The following C2CD2L variants were observed in gnomAD, a reference collection of about 807,000 sequenced individuals.
The protein encoded by C2CD2L is C2CD2 like, also known as phospholipid transfer protein C2CD2L.
In C2CD2L, 24 loss-of-function variants were observed where a neutral mutation model predicts 69.9. The observed-to-expected ratio is 0.34, with a 90% CI of 0.25 to 0.48. The LOEUF is 0.48. Ranked by LOEUF, C2CD2L falls within the 20% of genes least tolerant of loss-of-function variation. C2CD2L has a pLI of 0.99. For missense variants in C2CD2L, 811 were observed against 941.5 expected, an observed-to-expected ratio of 0.86 and a Z score of 1.81; for synonymous variants, 367 against 391.0, an observed-to-expected ratio of 0.94 and a Z score of 0.72.
rs1946771610 is a variant in C2CD2L, at chr11:119,112,479, C to T, written c.1085-3C>T. ...CAGCTCACAGTGCCATCCCTTTCCCCAGCCGAACTCCTAGGCCAGGCCACA... is the reference window on the plus strand; with the variant it reads ...CAGCTCACAGTGCCATCCCTTTCCCTAGCCGAACTCCTAGGCCAGGCCACA... On this transcript the variant is annotated splice_region_variant and splice_polypyrimidine_tract_variant and intron_variant, in intron 8 of 13. Transcript: ENST00000648610. The T allele has an allele frequency of 1.2e-6, 2 of 1,613,790 alleles. No individual in the cohort carries two copies. Among genetic ancestry groups the T allele is most frequent in the Non-Finnish European group, 1.7e-6 (2 of 1,179,916 alleles).
At position 119,110,607 on chromosome 11, in the gene C2CD2L, CTG is replaced by C; in HGVS notation, c.500_501del (p.Val167AspfsTer34). On this transcript the variant is annotated frameshift_variant, in exon 3 of 14. Coordinates refer to ENST00000648610, the MANE Select transcript of C2CD2L (RefSeq NM_001290474.2). LOFTEE classifies it high-confidence loss of function. The surrounding 1 kb of genome is among the most constrained non-coding windows in gnomAD (Gnocchi z 5.7). ...GCTGAGGAGGTGCGGTTCCCAGTCT[CTG>C]TGACCCAGCAGTCCCCCGCTGCCGT... 1 of 1,612,012 alleles carries C rather than the reference CTG, an allele frequency of 6.2e-7. No individual in the cohort carries two copies. The highest frequency in any genetic ancestry group is 8.5e-7 in the Non-Finnish European group (1 of 1,179,658).
In C2CD2L at chr11:119,114,685, C is replaced by T; in HGVS notation, c.1909+320C>T. ...TTCCTAGGCAGGGTGTGGTGGCTCA[C>T]ACCGGCACTTTGGGAGGCCAAGGCG... On this transcript the variant is annotated intron_variant, in intron 13 of 13. Coordinates refer to ENST00000648610, the MANE Select transcript of C2CD2L (RefSeq NM_001290474.2). The surrounding 1 kb of genome is among the most constrained non-coding windows in gnomAD (Gnocchi z 5.1). 2.8e-6 allele frequency: 1 copy of T among 353,404 alleles called. No homozygotes were observed. The highest frequency in any genetic ancestry group is 5.3e-6 in the Non-Finnish European group (1 of 187,448). 21.9% of individuals were successfully genotyped at this position (353,404 alleles called of 1,614,324 possible). A position where few individuals can be genotyped will look rare whatever the true frequency, so the allele number is the denominator to read the frequency against.
At chr11:119,103,664 CCCAG>C (rs1459518959), upstream of C2CD2L, among the ~76,000 whole-genome samples, 1 of 140,622 alleles carries the variant, frequency 7.1e-6, no homozygotes, top group Non-Finnish European at 1.5e-5. Context: ...GCCACTGCAT[CCCAG>C]CCTGGGCAAC....
intron 7 of C2CD2L, 183 bp from the exon 8 acceptor site, chr11:119,112,145 C>T (rs894904577): frequency 8.4e-6 from 5 of 597,118 alleles, no homozygotes; most frequent in Admixed American, 3.2e-5. Flanking sequence ...GCATGGTTTC[C>T]ACTCAGGCCC....
chr11:119,104,451 T>C (rs1467030899), upstream of C2CD2L, among the ~76,000 whole-genome samples: 1 of 152,208 alleles, frequency 6.6e-6, no homozygotes, highest in Non-Finnish European at 1.5e-5. Context: ...CATCCACATA[T>C]ACATGTTACT....
In C2CD2L at chr11:119,107,547, A is replaced by G; in HGVS notation, c.-195A>G. ...GGACCACGGAGACAGAGACCCCGGCATCGCGACCCCCGAGGACCTCCTCTC... is the reference window on the plus strand; with the variant it reads ...GGACCACGGAGACAGAGACCCCGGCGTCGCGACCCCCGAGGACCTCCTCTC... On this transcript the variant is annotated 5_prime_UTR_variant, in exon 1 of 14. Transcript: ENST00000648610. This position sits in a 1 kb window ranked among gnomAD's most constrained non-coding sequence, Gnocchi z 5.4. 2.4e-6 allele frequency: 1 copy of G among 411,276 alleles called. No homozygotes were observed. Among genetic ancestry groups the G allele is most frequent in the Admixed American group, 4.5e-5 (1 of 22,054 alleles). The allele number at this position is 411,276 out of a possible 1,614,324, so 25.5% of individuals were successfully genotyped here. A position where few individuals can be genotyped will look rare whatever the true frequency, so the allele number is the denominator to read the frequency against.
upstream of C2CD2L, chr11:119,106,567 G>T (rs1946593929): frequency 6.6e-6 from 1 of 152,230 alleles, no homozygotes; most frequent in African/African-American, 2.4e-5. Context: ...TTGGGAGCTT[G>T]TTGGGATATC....
In C2CD2L at chr11:119,112,650, G is replaced by A. The variant is rs751306158; in HGVS notation, c.1212+41G>A. ...CTGGGGTAGGTGGGAGGACACAGGGGATGGGCAGTCTCCGAGGCTCTGTCT... is the reference window on the plus strand; with the variant it reads ...CTGGGGTAGGTGGGAGGACACAGGGAATGGGCAGTCTCCGAGGCTCTGTCT... On this transcript the variant is annotated intron_variant, in intron 9 of 13. Coordinates refer to ENST00000648610, the MANE Select transcript of C2CD2L (RefSeq NM_001290474.2). 3.1e-6 allele frequency: 5 copies of A among 1,608,748 alleles called. No individual in the cohort carries two copies. The Admixed American group carries it at 8.4e-5, about 27-fold the overall frequency.
chr11:119,111,063 A>G lies in C2CD2L; in HGVS notation c.693A>G (p.Glu231=). ...PKLQARERGE[E]QVELSTIEEL... ...TCTTCTCTCTGCAGAGAGGTGAAGA[A>G]CAAGTGGAGCTCTCCACAATTGAGG... Residue 231 remains glutamate, a synonymous_variant, in exon 5 of 14, where the codon GAA becomes GAG. Coordinates refer to ENST00000648610, the MANE Select transcript of C2CD2L (RefSeq NM_001290474.2). 1 of 1,614,032 alleles carries G rather than the reference A, an allele frequency of 6.2e-7. No homozygotes were observed.
chr11:119,113,156 G>C, intron 10 of C2CD2L: 1 of 508,196 alleles, frequency 2.0e-6, no homozygotes, highest in East Asian at 3.4e-5. Context: ...CTTCCCCTCT[G>C]GCTTTTCACA....
upstream of C2CD2L, among the ~76,000 whole-genome samples, chr11:119,105,035 C>T (rs1001062263): frequency 2.6e-5 from 4 of 152,182 alleles, no homozygotes; most frequent in Admixed American, 2.0e-4. Flanking sequence ...CATAGAAATT[C>T]TCAAAGCATA....
rs756238400 is a variant in C2CD2L at position 119,110,223 on chromosome 11, C to T, written c.450+24C>T. The T allele has an allele frequency of 8.7e-5, 134 of 1,547,920 alleles. No individual in the cohort carries two copies. The highest frequency in any genetic ancestry group is 1.2e-4 in the Non-Finnish European group (130 of 1,119,982). On this transcript the variant is annotated intron_variant, in intron 2 of 13. Coordinates refer to ENST00000648610, the MANE Select transcript of C2CD2L (RefSeq NM_001290474.2). The surrounding 1 kb of genome is among the most constrained non-coding windows in gnomAD (Gnocchi z 5.7). ...TGGTAAGGGTCTGATGGGCACTGCC[C>T]TCTTTGGGGTCCAAGAAGGACTGAC...
upstream of C2CD2L, among the ~76,000 whole-genome samples, chr11:119,102,610 C>T (rs1395656420): frequency 6.6e-6 from 1 of 151,940 alleles, no homozygotes; most frequent in East Asian, 1.9e-4. Context: ...GGATTTAACT[C>T]GAGACTTCAG....
In C2CD2L at chr11:119,107,594, G is replaced by T; in HGVS notation, c.-148G>T. Reference sequence around the variant, plus strand: ...TCTCCTCGCCCTGTGGCACCCACTAGTCCTGGGCACTCAGCCGCGGAGAGC... The same window carrying T: ...TCTCCTCGCCCTGTGGCACCCACTATTCCTGGGCACTCAGCCGCGGAGAGC... On this transcript the variant is annotated 5_prime_UTR_variant, in exon 1 of 14. Coordinates refer to ENST00000648610, the MANE Select transcript of C2CD2L (RefSeq NM_001290474.2). The surrounding 1 kb of genome is among the most constrained non-coding windows in gnomAD (Gnocchi z 5.4). 1 of 459,928 alleles carries T rather than the reference G, an allele frequency of 2.2e-6. No individual in the cohort carries two copies. Among genetic ancestry groups the T allele is most frequent in the Non-Finnish European group, 3.7e-6 (1 of 268,142 alleles). The allele number at this position is 459,928 out of a possible 1,614,324, so 28.5% of individuals were successfully genotyped here.
Position 119,116,216 on chromosome 11 carries a change from C to G in C2CD2L, c.2081C>G (p.Ser694Cys). The change falls in exon 14 of 14, where the codon TCC (serine) becomes TGC (cysteine). Residue 694 changes from serine to cysteine, a missense_variant. By Grantham distance (112) the Ser-to-Cys change is moderately radical. Coordinates refer to ENST00000648610, the MANE Select transcript of C2CD2L (RefSeq NM_001290474.2). The part of the protein sequence containing the change: ...RRLIKRFSFK[S>C]KPKANGNPSP... ...CTTATCAAGCGCTTTTCCTTCAAATCCAAACCCAAGGCCAATGGTAACCCC... is the reference window on the plus strand; with the variant it reads ...CTTATCAAGCGCTTTTCCTTCAAATGCAAACCCAAGGCCAATGGTAACCCC... 1 of 1,614,262 alleles carries G rather than the reference C, an allele frequency of 6.2e-7. No individual in the cohort carries two copies. Among genetic ancestry groups the G allele is most frequent in the South Asian group, 1.1e-5 (1 of 91,090 alleles).
intron 13 of C2CD2L, chr11:119,115,312 G>A (rs1366754289): frequency 6.6e-6 from 1 of 151,224 alleles, no homozygotes; most frequent in Non-Finnish European, 1.5e-5. Flanking sequence ...TCTCCCCAAT[G>A]AGTATAAGAA....
In C2CD2L at chr11:119,113,947, C is replaced by T; in HGVS notation, c.1582C>T (p.Pro528Ser). ...EPSGRVAKKT[P>S]TKRSTLIISG... ...CAGTGGGCGGGTGGCCAAGAAGACA[C>T]CCACCAAGCGCAGCACTCTCATCAT... The change falls in exon 12 of 14, where the codon CCC becomes TCC. Residue 528 changes from proline to serine, a missense_variant. By Grantham distance (74) the Pro-to-Ser change is moderately conservative. Transcript: ENST00000648610. 6.2e-7 allele frequency: 1 copy of T among 1,614,198 alleles called. No individual in the cohort carries two copies. The highest frequency in any genetic ancestry group is 8.5e-7 in the Non-Finnish European group (1 of 1,180,036).
chr11:119,108,012 T>G lies in C2CD2L; in HGVS notation c.271T>G (p.Ser91Ala). 6.3e-7 allele frequency: 1 copy of G among 1,593,476 alleles called. No individual in the cohort carries two copies. The highest frequency in any genetic ancestry group is 8.5e-7 in the Non-Finnish European group (1 of 1,172,182). ...EEPGVRGLLASLFAFKSFREN... is the reference protein window; with the variant it reads ...EEPGVRGLLAALFAFKSFREN... ...GCCAGGAGTCCGGGGCCTCCTGGCG[T>G]CACTCTTCGCCTTCAAGTCTTTCCG... Residue 91 changes from serine (S) to alanine (A), a missense_variant, in exon 1 of 14, where the codon TCA becomes GCA. Ser to Ala is a moderately conservative substitution (Grantham distance 99). Coordinates refer to ENST00000648610, the MANE Select transcript of C2CD2L (RefSeq NM_001290474.2).
At chr11:119,113,318 C>A (rs1946798768) in intron 10 of C2CD2L, 1 of 433,766 alleles carries the variant, frequency 2.3e-6, no homozygotes, top group Non-Finnish European at 4.1e-6. Flanking sequence ...TATAGGGGCC[C>A]CACTGAATTG....
Sources: allele counts gnomAD v4.1 joint callset (sites outside exome capture counted in the v4.1 genomes callset), GRCh38; gene constraint gnomAD v4.1.1; non-coding constraint Gnocchi (gnomAD v3.1); transcripts MANE v1.5; gene names NCBI Gene and HGNC (gene_info 2026-07-23, HGNC 2026-07-21).